The following ACOXL variants were observed in gnomAD, a reference collection of about 807,000 sequenced individuals.
ACOXL encodes acyl-coenzyme A oxidase-like protein.
ACOXL carries 70 observed loss-of-function variants against 71.9 expected under a neutral mutation model. The ratio of observed to expected loss-of-function variants is 0.97; its 90% CI spans 0.80 to 1.19. ACOXL has a LOEUF of 1.19. Ranked by LOEUF, ACOXL falls within the 50% of genes most tolerant of loss-of-function variation. The pLI is 0.00. For synonymous variants in ACOXL, 253 were observed against 281.6 expected (o/e 0.90, Z 1.02); for missense variants, 703 against 736.3 (o/e 0.95, Z 0.52).
At chr2:110,762,742 C>A (rs1213086810) in intron 1 of ACOXL, among the ~76,000 whole-genome samples, 3 of 151,754 alleles carry the variant, frequency 2.0e-5, no homozygotes, top group Admixed American at 1.3e-4. Context: ...TGCAACCTTC[C>A]CCTCCTAGGC....
intron 12 of ACOXL, among the ~76,000 whole-genome samples, chr2:110,937,028 G>C (rs202061246): frequency 6.6e-6 from 1 of 152,140 alleles, no homozygotes; most frequent in Non-Finnish European, 1.5e-5. Context: ...TGTACTTTTA[G>C]TAGAGATGGG....
intron 10 of ACOXL, among the ~76,000 whole-genome samples, chr2:110,849,295 G>C (rs1039267510): frequency 2.6e-5 from 4 of 152,148 alleles, no homozygotes; most frequent in African/African-American, 9.7e-5. Context: ...GGGAGGAACT[G>C]GTTAGTCTTT....
chr2:110,981,899 C>T (rs1298878687), intron 12 of ACOXL, among the ~76,000 whole-genome samples: 1 of 152,044 alleles, frequency 6.6e-6, no homozygotes, highest in Non-Finnish European at 1.5e-5. Context: ...GTGCCTTGTA[C>T]ATAGTAAGTG....
At chr2:110,778,329 G>T (rs1005109973) in intron 2 of ACOXL, among the ~76,000 whole-genome samples, 1 of 152,162 alleles carries the variant, frequency 6.6e-6, no homozygotes, top group Non-Finnish European at 1.5e-5. Flanking sequence ...TTCATTACAG[G>T]AAAGTTAAAA....
intron 1 of ACOXL, among the ~76,000 whole-genome samples, chr2:110,764,276 G>T (rs1680762592): frequency 6.6e-6 from 1 of 152,030 alleles, no homozygotes; most frequent in South Asian, 2.1e-4. Context: ...TCTATCAGTA[G>T]TTGAATGGAT....
intron 1 of ACOXL, among the ~76,000 whole-genome samples, chr2:110,757,365 A>G (rs1230397470): frequency 6.6e-6 from 1 of 152,160 alleles, no homozygotes; most frequent in Non-Finnish European, 1.5e-5. Context: ...GAACATATGC[A>G]TGCATGTATC....
chr2:110,982,808 C>T (rs918863931), intron 12 of ACOXL, among the ~76,000 whole-genome samples: 1 of 152,210 alleles, frequency 6.6e-6, no homozygotes, highest in South Asian at 2.1e-4. Flanking sequence ...CCTGTTGGAA[C>T]CCCTAGGGCC....
chr2:110,885,713 T>A (rs908550127), intron 10 of ACOXL, among the ~76,000 whole-genome samples: 18 of 152,222 alleles, frequency 1.2e-4, no homozygotes, highest in Non-Finnish European at 2.1e-4. Flanking sequence ...GTCCTTTTTA[T>A]ACCTCTGTAT....
intron 10 of ACOXL, among the ~76,000 whole-genome samples, chr2:110,903,917 G>A (rs1240555871): frequency 6.6e-6 from 1 of 152,230 alleles, no homozygotes; most frequent in East Asian, 1.9e-4. Flanking sequence ...TAAGTCTTGA[G>A]GCCCTCGGTC....
intron 12 of ACOXL, chr2:110,967,994 A>G (rs1558802522): frequency 5.2e-6 from 5 of 954,070 alleles, no homozygotes; most frequent in Non-Finnish European, 5.1e-6. Context: ...ATAGTAGTTC[A>G]TCTAACCAAC....
chr2:110,824,767 CTTTAAAGCCCTTAT>C (rs1425760081), intron 9 of ACOXL, among the ~76,000 whole-genome samples: 1 of 152,078 alleles, frequency 6.6e-6, no homozygotes, highest in East Asian at 1.9e-4. Flanking sequence ...ATAATATGTG[CTTTAAAGCCCTTAT>C]CTAATAATTC....
intron 17 of ACOXL, among the ~76,000 whole-genome samples, chr2:111,112,552 C>T (rs905709000): frequency 4.6e-5 from 7 of 152,224 alleles, no homozygotes; most frequent in African/African-American, 1.4e-4. Context: ...AAAGGGAAAG[C>T]AATTCTTCAG....
chr2:110,928,371 T>C (rs1004061902), intron 11 of ACOXL, among the ~76,000 whole-genome samples: 5 of 152,212 alleles, frequency 3.3e-5, no homozygotes, highest in African/African-American at 1.2e-4. Context: ...AAAGTTAGAC[T>C]TTATGAATAT....
At chr2:111,049,771 G>A (rs1210165775) in intron 16 of ACOXL, among the ~76,000 whole-genome samples, 1 of 152,040 alleles carries the variant, frequency 6.6e-6, no homozygotes, top group African/African-American at 2.4e-5. Context: ...CCTTGCCCTT[G>A]AGTGGAAGAC....
intron 2 of ACOXL, among the ~76,000 whole-genome samples, chr2:110,769,965 T>G (rs1219514468): frequency 6.6e-6 from 1 of 151,194 alleles, no homozygotes; most frequent in Non-Finnish European, 1.5e-5. Context: ...CGTTTGAGGC[T>G]CCAGAGGTCG....
At chr2:110,765,164 C>T (rs1680890479) in intron 1 of ACOXL, among the ~76,000 whole-genome samples, 1 of 152,206 alleles carries the variant, frequency 6.6e-6, no homozygotes, top group South Asian at 2.1e-4. Flanking sequence ...CAATGGTTTT[C>T]CCCTATAAGT....
intron 14 of ACOXL, among the ~76,000 whole-genome samples, chr2:110,997,034 C>G (rs1205516716): frequency 6.6e-6 from 1 of 152,232 alleles, no homozygotes; most frequent in African/African-American, 2.4e-5. Context: ...AATCACTCCA[C>G]ATATCCTCCA....
chr2:110,982,232 T>G (rs1463908538), intron 12 of ACOXL, among the ~76,000 whole-genome samples: 2 of 152,014 alleles, frequency 1.3e-5, no homozygotes, highest in East Asian at 1.9e-4. Flanking sequence ...CTCAGCTCAC[T>G]GCAACCTCCA....
intron 10 of ACOXL, among the ~76,000 whole-genome samples, chr2:110,891,887 C>T (rs1231099306): frequency 6.6e-6 from 1 of 152,006 alleles, no homozygotes; most frequent in East Asian, 1.9e-4. Flanking sequence ...TGTGGTCCAG[C>T]TTCCACTTGC....
Sources: allele counts gnomAD v4.1 joint callset (sites outside exome capture counted in the v4.1 genomes callset), GRCh38; gene constraint gnomAD v4.1.1; transcripts MANE v1.5; gene names NCBI Gene and HGNC (gene_info 2026-07-23, HGNC 2026-07-21).